Variants in WDR18 observed in about 807,000 individuals in gnomAD.
WDR18 encodes WD repeat domain 18.
A neutral mutation model predicts 49.6 loss-of-function variants in WDR18; 33 were observed. The observed-to-expected ratio is 0.67, with a 90% CI of 0.50 to 0.89. WDR18 has a LOEUF of 0.89. WDR18 is among the 40% of genes least tolerant of loss of function. The pLI is 0.00. For synonymous variants in WDR18, 315 were observed against 263.6 expected, an observed-to-expected ratio of 1.19 and a Z score of -1.89; for missense variants, 653 against 593.6, an observed-to-expected ratio of 1.10 and a Z score of -1.04.
intron 3 of WDR18, 145 bp from the exon 4 acceptor site, chr19:990,078 G>A: frequency 7.2e-7 from 1 of 1,379,450 alleles, no homozygotes. Context: ...TGGGGGCCGT[G>A]GGGGCCCAGC....
intron 7 of WDR18, 39 bp downstream of exon 7, chr19:991,390 G>A: frequency 6.6e-7 from 1 of 1,514,080 alleles, no homozygotes; most frequent in Non-Finnish European, 8.9e-7. Flanking sequence ...CAGCGCGCAG[G>A]GGAAAAAGCC....
intron 3 of WDR18, 97 bp downstream of exon 3, chr19:989,992 CT>C: frequency 1.3e-6 from 2 of 1,504,506 alleles, no homozygotes; most frequent in Non-Finnish European, 1.8e-6. Context: ...GGGCTTCTCT[CT>C]TGGGGGCTGG....
chr19:986,252 C>G (rs12460042), intron 2 of WDR18, among the ~76,000 whole-genome samples: 72,560 of 152,098 alleles, frequency 0.48, 17,715 homozygotes, highest in Non-Finnish European at 0.53. Flanking sequence ...CCAGGGCTAG[C>G]GGGCATCTCT....
At chr19:990,402 GC>G (rs777595642) in intron 4 of WDR18, 38 bp downstream of exon 4, 4 of 1,482,610 alleles carry the variant, frequency 2.7e-6, no homozygotes, top group African/African-American at 1.4e-5. Flanking sequence ...CATGAGCGGA[GC>G]CCAGCAGCCG....
At chr19:989,218 C>G (rs1455666565) in intron 2 of WDR18, among the ~76,000 whole-genome samples, 3 of 147,910 alleles carry the variant, frequency 2.0e-5, no homozygotes, top group Middle Eastern at 3.6e-3. Context: ...TCTCAGCCCT[C>G]GAACCCACAA....
intron 1 of WDR18, 122 bp downstream of exon 1, chr19:984,685 C>T: frequency 1.9e-6 from 2 of 1,036,328 alleles, no homozygotes; most frequent in Non-Finnish European, 2.6e-6. Context: ...AGGTGGTCTC[C>T]GTTCGGGCGC....
At chr19:992,825 C>T (rs990361254) in intron 8 of WDR18, among the ~76,000 whole-genome samples, 2 of 152,258 alleles carry the variant, frequency 1.3e-5, no homozygotes, top group African/African-American at 4.8e-5. Context: ...GATGAGCTGC[C>T]TGCGTCCTTG....
Position 992,134 on chromosome 19 carries a change from G to T in WDR18, c.1098+13G>T, listed in dbSNP as rs1194152098. On this transcript the variant is annotated intron_variant, in intron 8 of 9. Coordinates refer to ENST00000585809, the MANE Select transcript of WDR18 (RefSeq NM_024100.4). ...CCTCCACCAGCAGGTACGGCCCCCAGCAGGGAACCCCCACTGCCCTTTTGT... is the reference window on the plus strand; with the variant it reads ...CCTCCACCAGCAGGTACGGCCCCCATCAGGGAACCCCCACTGCCCTTTTGT... 1 of 1,449,318 alleles carries T rather than the reference G, an allele frequency of 6.9e-7. No individual in the cohort carries two copies. 89.8% of individuals were successfully genotyped at this position (1,449,318 alleles called of 1,614,324 possible).
chr19:991,412 C>T (rs1268530414), intron 7 of WDR18, 61 bp downstream of exon 7: 7 of 581,246 alleles, frequency 1.2e-5, no homozygotes, highest in East Asian at 1.3e-4. Flanking sequence ...GCAGGAGCTC[C>T]GGGCTTGGCT....
At chr19:986,995 C>T (rs557562383) in intron 2 of WDR18, among the ~76,000 whole-genome samples, 23 of 152,286 alleles carry the variant, frequency 1.5e-4, no homozygotes, top group African/African-American at 5.5e-4. Flanking sequence ...CCTCAGTGGG[C>T]TGCTCAGAGA....
intron 3 of WDR18, 147 bp from the exon 4 acceptor site, chr19:990,076 G>A (rs1021471876): frequency 2.5e-5 from 34 of 1,375,560 alleles, no homozygotes; most frequent in Admixed American, 1.1e-4. Context: ...TCTGGGGGCC[G>A]TGGGGGCCCA....
intron 1 of WDR18, 62 bp downstream of exon 1, chr19:984,625 G>A: frequency 2.2e-6 from 3 of 1,357,654 alleles, no homozygotes; most frequent in South Asian, 3.3e-5. Flanking sequence ...TCGGGGGATG[G>A]GTTGGTGGGG....
At position 989,840 on chromosome 19, in the gene WDR18, A is replaced by G. The variant is rs1399251644; in HGVS notation, c.400A>G (p.Ser134Gly). 20 of 1,612,806 alleles carry G rather than the reference A, an allele frequency of 1.2e-5. No individual in the cohort carries two copies. The highest frequency in any genetic ancestry group is 1.7e-5 in the Non-Finnish European group (20 of 1,179,804). ...CTGCCTTCAGTTCACAGGGGACAGC[A>G]GCCACTTCATCTCAGGGGGCAAGGA... Reference protein sequence around the residue: ...VSCLQFTGDSSHFISGGKDCL... With the variant: ...VSCLQFTGDSGHFISGGKDCL... The change falls in exon 3 of 10, where the codon AGC becomes GGC. Residue 134 changes from serine (S) to glycine (G), a missense_variant. Transcript: ENST00000585809.
chr19:984,228 G>A (rs576273925), upstream of WDR18: 53 of 1,013,462 alleles, frequency 5.2e-5, no homozygotes, highest in South Asian at 9.1e-4. Context: ...CCCTCTCTCC[G>A]AGGCACGGGC....
chr19:992,334 C>T (rs1283711305), intron 8 of WDR18, among the ~76,000 whole-genome samples: 4 of 152,240 alleles, frequency 2.6e-5, no homozygotes, highest in Admixed American at 6.5e-5. Flanking sequence ...GTTAACCACC[C>T]CTCTTCCCCC....
At chr19:990,387 C>T (rs546451359) in intron 4 of WDR18, 23 bp downstream of exon 4, 95 of 1,517,134 alleles carry the variant, frequency 6.3e-5, no homozygotes, top group Middle Eastern at 1.7e-4. Context: ...CACCCCACCA[C>T]GGTCCATGAG....
At position 992,098 on chromosome 19, in the gene WDR18, C is replaced by A; in HGVS notation, c.1075C>A (p.Leu359Met). 6.6e-7 allele frequency: 1 copy of A among 1,520,256 alleles called. No homozygotes were observed. Among genetic ancestry groups the A allele is most frequent in the Non-Finnish European group, 8.8e-7 (1 of 1,138,924 alleles). The allele number at this position is 1,520,256 out of a possible 1,614,324, so 94.2% of individuals were successfully genotyped here. A position where few individuals can be genotyped will look rare whatever the true frequency, so the allele number is the denominator to read the frequency against. The change falls in exon 8 of 10, where the codon CTG (leucine) becomes ATG (methionine). Residue 359 changes from leucine to methionine, a missense_variant. By Grantham distance (15) the Leu-to-Met change is conservative (BLOSUM62 2). Coordinates refer to ENST00000585809, the MANE Select transcript of WDR18 (RefSeq NM_024100.4). ...CGAGCCGCGCCACGGGGGCCTCACT[C>A]TGCGCCTGGGCCTCCACCAGCAGGT... is the stretch of plus-strand genomic sequence containing the variant. ...GDEPRHGGLT[L>M]RLGLHQQGSE...
intron 1 of WDR18, 90 bp downstream of exon 1, chr19:984,653 T>G (rs1040206160): frequency 1.6e-5 from 20 of 1,269,516 alleles, no homozygotes; most frequent in Admixed American, 3.8e-5. Flanking sequence ...GCACCCTTAG[T>G]CGGAATTGGC....
chr19:990,708 C>T (rs1191184825), intron 4 of WDR18, 144 bp from the exon 5 acceptor site: 1 of 1,267,416 alleles, frequency 7.9e-7, no homozygotes, highest in Admixed American at 3.0e-5. Flanking sequence ...CCCCCAAGAC[C>T]CACATGGTGA....
Sources: allele counts gnomAD v4.1 joint callset (sites outside exome capture counted in the v4.1 genomes callset), GRCh38; gene constraint gnomAD v4.1.1; transcripts MANE v1.5; gene names NCBI Gene and HGNC (gene_info 2026-07-23, HGNC 2026-07-21).